Variants in GSE1 observed in about 807,000 individuals in gnomAD.
The protein encoded by GSE1 is genetic suppressor element 1.
In GSE1, 32 loss-of-function variants were observed where a neutral mutation model predicts 112.6. The observed-to-expected ratio is 0.28, with a 90% CI of 0.21 to 0.38. The LOEUF (loss-of-function observed/expected upper bound fraction) is 0.38. Among genes scored for constraint, GSE1 ranks in the 10% least tolerant of loss-of-function variants. GSE1 has a pLI of 1.00. For missense variants in GSE1, 2,348 were observed against 1,699.2 expected, an observed-to-expected ratio of 1.38 and a Z score of -6.71; for synonymous variants, 1,115 against 735.6, an observed-to-expected ratio of 1.52 and a Z score of -8.35.
intron 1 of GSE1, among the ~76,000 whole-genome samples, chr16:85,565,066 G>T (rs1180883947): frequency 6.6e-6 from 1 of 152,092 alleles, no homozygotes; most frequent in East Asian, 1.9e-4. Context: ...ACTCGATTCT[G>T]TTGTCAGTGA....
chr16:85,443,596 A>G (rs531738673), intron 2 of GSE1, among the ~76,000 whole-genome samples: 2 of 149,792 alleles, frequency 1.3e-5, no homozygotes, highest in South Asian at 4.1e-4. Context: ...TCAGAGAAGC[A>G]TAGGTTCAGA....
At chr16:85,186,183 A>G (rs978017929) in intron 1 of GSE1, among the ~76,000 whole-genome samples, 4 of 152,254 alleles carry the variant, frequency 2.6e-5, no homozygotes, top group Non-Finnish European at 2.9e-5. Context: ...ATTAACATGT[A>G]AAACAGGTTG....
intron 1 of GSE1, among the ~76,000 whole-genome samples, chr16:85,565,883 A>C (rs1473630199): frequency 6.6e-5 from 10 of 152,176 alleles, no homozygotes; most frequent in African/African-American, 2.4e-4. Context: ...TGTCCTTGCC[A>C]GTCTTCTGGT....
chr16:85,560,339 G>C (rs990971618), intron 1 of GSE1, among the ~76,000 whole-genome samples: 5 of 151,994 alleles, frequency 3.3e-5, no homozygotes, highest in Non-Finnish European at 5.9e-5. Flanking sequence ...GTTTTACCAT[G>C]TTAGCCAGGA....
chr16:85,537,503 GGGGCCCAGCTCAGCCA>G (rs1489929672), intron 2 of GSE1, among the ~76,000 whole-genome samples: 18 of 152,212 alleles, frequency 1.2e-4, no homozygotes, highest in Admixed American at 1.2e-3. Flanking sequence ...CCTGAAAGCT[GGGGCCCAGCTCAGCCA>G]GGGCTCGAGT....
intron 2 of GSE1, among the ~76,000 whole-genome samples, chr16:85,472,965 G>T (rs1168638704): frequency 6.6e-6 from 1 of 152,244 alleles, no homozygotes; most frequent in Non-Finnish European, 1.5e-5. Flanking sequence ...TTTGGCCCAA[G>T]CCCACTGGGC....
intron 1 of GSE1, among the ~76,000 whole-genome samples, chr16:85,304,833 A>G (rs994798217): frequency 2.6e-5 from 4 of 152,152 alleles, no homozygotes; most frequent in African/African-American, 9.7e-5. Context: ...TCTTTCAACC[A>G]GCGTTGTTCA....
chr16:85,644,930 C>T (rs907197688), intron 2 of GSE1, among the ~76,000 whole-genome samples: 12 of 151,704 alleles, frequency 7.9e-5, no homozygotes, highest in Non-Finnish European at 1.3e-4. Flanking sequence ...TGAACTTTTT[C>T]TCAAAATCTA....
intron 2 of GSE1, among the ~76,000 whole-genome samples, chr16:85,543,644 G>A (rs796415884): frequency 1.1e-4 from 16 of 152,292 alleles, no homozygotes; most frequent in African/African-American, 3.6e-4. Flanking sequence ...GAAGACCAGA[G>A]CACCCCATTC....
chr16:85,527,853 G>A (rs1021402932), intron 2 of GSE1, among the ~76,000 whole-genome samples: 1 of 152,240 alleles, frequency 6.6e-6, no homozygotes, highest in Admixed American at 6.5e-5. Context: ...ACAGAGTCAG[G>A]GAATATTTCC....
intron 1 of GSE1, among the ~76,000 whole-genome samples, chr16:85,568,387 C>G (rs1301631130): frequency 6.6e-6 from 1 of 152,180 alleles, no homozygotes; most frequent in Non-Finnish European, 1.5e-5. Flanking sequence ...AGGGTTGTCT[C>G]TGAAAATAAG....
chr16:85,230,479 T>C (rs1336409416), intron 1 of GSE1, among the ~76,000 whole-genome samples: 1 of 152,172 alleles, frequency 6.6e-6, no homozygotes, highest in Non-Finnish European at 1.5e-5. Flanking sequence ...TGGGGTGACA[T>C]TGGCTTCAGC....
chr16:85,604,123 A>T lies in GSE1; in HGVS notation c.38-44429A>T, dbSNP rs79151754. On this transcript the variant is annotated intron_variant, in intron 1 of 2. Coordinates refer to the GSE1 transcript ENST00000635906. Reference sequence around the variant, plus strand: ...GCAAAGGCAGGGGCAAGACAGAGGGACCAAAAGGACCACCCCAAAAGGAAA... The same window carrying T: ...GCAAAGGCAGGGGCAAGACAGAGGGTCCAAAAGGACCACCCCAAAAGGAAA... Among the ~76,000 whole-genome samples, 849 of 152,214 alleles carry T rather than the reference A, an allele frequency of 5.6e-3. 7 individuals are homozygous for T. The highest frequency in any genetic ancestry group is 0.019 in the African/African-American group (796 of 41,538).
intron 1 of GSE1, among the ~76,000 whole-genome samples, chr16:85,256,859 C>T (rs111300930): frequency 0.025 from 3,816 of 152,340 alleles, 162 homozygotes; most frequent in African/African-American, 0.088. Flanking sequence ...CAATGAAACG[C>T]AACGCAAAAT....
At chr16:85,601,275 A>G (rs1216107766) in intron 1 of GSE1, among the ~76,000 whole-genome samples, 1 of 146,638 alleles carries the variant, frequency 6.8e-6, no homozygotes, top group African/African-American at 2.5e-5. Context: ...GTGCCGTGTG[A>G]GGGGTGGGAG....
chr16:85,388,357 TG>T (rs2047749229), intron 2 of GSE1, among the ~76,000 whole-genome samples: 1 of 58,318 alleles, frequency 1.7e-5, no homozygotes, highest in African/African-American at 7.7e-5. Context: ...GATGGATGGG[TG>T]AGTGGATGGG....
intron 1 of GSE1, among the ~76,000 whole-genome samples, chr16:85,244,673 G>C (rs1297606319): frequency 1.3e-5 from 2 of 151,052 alleles, no homozygotes; most frequent in Admixed American, 1.3e-4. Flanking sequence ...AACATAGTGA[G>C]ACCCCAATCT....
intron 2 of GSE1, among the ~76,000 whole-genome samples, chr16:85,496,235 G>A (rs571196322): frequency 3.3e-5 from 5 of 152,314 alleles, no homozygotes; most frequent in East Asian, 1.9e-4. Flanking sequence ...TCCATCTCCC[G>A]CCACCCCGTG....
rs780487477 is a variant in GSE1, at chr16:85,668,184, A to G, written c.3175A>G (p.Thr1059Ala). The G allele has an allele frequency of 1.2e-6, 2 of 1,607,546 alleles. No homozygotes were observed. Among genetic ancestry groups the G allele is most frequent in the Admixed American group, 1.7e-5 (1 of 59,878 alleles). Residue 1059 changes from threonine (T) to alanine (A), a missense_variant, in exon 14 of 16, where the codon ACG (threonine) becomes GCG (alanine). By Grantham distance (58) the Thr-to-Ala change is moderately conservative. Transcript: ENST00000253458. The stretch of plus-strand genomic sequence containing the variant: ...TGCAGAGCAGAACCACAAGGTTGAC[A>G]CGTCCGTCCACTACAACATTCCTGA... ...LSAEQNHKVD[T>A]SVHYNIPELQ...
Sources: gnomAD v4.1 joint callset for allele counts (sites outside exome capture counted in the v4.1 genomes callset) on GRCh38, gnomAD v4.1.1 for gene constraint, MANE v1.5 for transcripts, NCBI Gene and HGNC (gene_info 2026-07-23, HGNC 2026-07-21) for gene names.